Variants in PDK1 observed in about 807,000 individuals in gnomAD.
PDK1 encodes [Pyruvate dehydrogenase (acetyl-transferring)] kinase isozyme 1, mitochondrial.
In PDK1, 39 loss-of-function variants were observed where a neutral mutation model predicts 54.2. That is an observed-to-expected ratio of 0.72 (90% CI 0.56 to 0.94). The LOEUF (loss-of-function observed/expected upper bound fraction) is 0.94, where lower values mean the gene tolerates loss of function less well. PDK1 is among the 40% of genes least tolerant of loss of function. PDK1 has a pLI of 0.00. For synonymous variants in PDK1, 221 were observed against 207.1 expected (o/e 1.07, Z -0.58); for missense variants, 552 against 566.0 (o/e 0.98, Z 0.25).
downstream of PDK1, among the ~76,000 whole-genome samples, chr2:172,611,544 A>G (rs1186393428): frequency 3.3e-5 from 5 of 152,134 alleles, no homozygotes; most frequent in African/African-American, 1.2e-4. Flanking sequence ...CAGGAGGGAA[A>G]CACTTCCCAA....
chr2:172,705,346 G>C, the PDK1 span, among the ~76,000 whole-genome samples: 8,132 of 152,270 alleles, frequency 0.053, 415 homozygotes, highest in East Asian at 0.22. Context: ...GATTCCTATA[G>C]GAATTTCTGA....
At chr2:172,556,426 C>G in intron 1 of PDK1, 80 bp downstream of exon 1, 2 of 1,084,836 alleles carry the variant, frequency 1.8e-6, no homozygotes, top group Non-Finnish European at 2.4e-6. Flanking sequence ...GCCGGGTCGG[C>G]GCCGGCCAGC....
upstream of PDK1, chr2:172,555,900 T>C: frequency 5.8e-6 from 2 of 347,656 alleles, no homozygotes; most frequent in East Asian, 9.0e-5. Flanking sequence ...ATCTCCTTCC[T>C]CGGGAGGCTG....
Position 172,604,867 on chromosome 2 carries a change from A to G in PDK1, c.*8898A>G, listed in dbSNP as rs1691235150. ...ATTATTTTGGAGCTTTATATTGGGT[A>G]TGTTCTTATCCAACTATCATTAGGG... is the stretch of plus-strand genomic sequence containing the variant. On this transcript the variant is annotated 3_prime_UTR_variant, in exon 11 of 11. Coordinates refer to ENST00000282077, the MANE Select transcript of PDK1 (RefSeq NM_002610.5). 6.6e-6 allele frequency: 1 copy of G among 152,174 alleles called. No homozygotes were observed. Among genetic ancestry groups the G allele is most frequent in the African/African-American group, 2.4e-5 (1 of 41,444 alleles). The allele number at this position is 152,174 out of a possible 1,614,324, so 9.4% of individuals were successfully genotyped here.
the PDK1 span, among the ~76,000 whole-genome samples, chr2:172,688,058 T>C: frequency 2.4e-4 from 37 of 152,316 alleles, 1 homozygote; most frequent in African/African-American, 8.4e-4. Flanking sequence ...TGATGGCAAT[T>C]GGGACTACTT....
intron 8 of PDK1, among the ~76,000 whole-genome samples, chr2:172,573,432 G>A (rs1689392743): frequency 6.6e-6 from 1 of 151,746 alleles, no homozygotes; most frequent in Admixed American, 6.6e-5. Flanking sequence ...AAAATTGGCT[G>A]TCTTTTATTG....
the PDK1 span, among the ~76,000 whole-genome samples, chr2:172,703,958 G>A: frequency 6.6e-6 from 1 of 151,364 alleles, no homozygotes; most frequent in African/African-American, 2.4e-5. Flanking sequence ...ATTTTTAGTA[G>A]AGACAGGGTT....
the PDK1 span, among the ~76,000 whole-genome samples, chr2:172,616,042 A>C: frequency 6.6e-6 from 1 of 152,336 alleles, no homozygotes; most frequent in East Asian, 1.9e-4. Context: ...GTAATCAAGG[A>C]AGTACAAATT....
chr2:172,612,475 T>G (rs547139761), downstream of PDK1, among the ~76,000 whole-genome samples: 3 of 148,912 alleles, frequency 2.0e-5, no homozygotes, highest in Admixed American at 6.7e-5. Context: ...AGAAGGTTTG[T>G]TTTTTTTTTA....
At chr2:172,713,560 G>C in the PDK1 span, among the ~76,000 whole-genome samples, 1 of 152,238 alleles carries the variant, frequency 6.6e-6, no homozygotes. Context: ...TGTCAGCACT[G>C]TCCTGAGCAT....
At chr2:172,683,941 T>C in the PDK1 span, among the ~76,000 whole-genome samples, 1 of 152,140 alleles carries the variant, frequency 6.6e-6, no homozygotes, top group Non-Finnish European at 1.5e-5. Flanking sequence ...GAGAAATACA[T>C]ATAAACTAGA....
intron 8 of PDK1, among the ~76,000 whole-genome samples, chr2:172,580,151 C>T (rs1038262820): frequency 1.3e-5 from 2 of 151,288 alleles, no homozygotes; most frequent in Admixed American, 1.3e-4. Context: ...GTTTCTCTCT[C>T]GTTTGTTCAT....
chr2:172,587,167 C>A (rs968464219), intron 9 of PDK1, among the ~76,000 whole-genome samples: 1 of 152,168 alleles, frequency 6.6e-6, no homozygotes. Context: ...GGTTTTTGGT[C>A]TTGCTGACTT....
chr2:172,640,436 A>T, the PDK1 span, among the ~76,000 whole-genome samples: 8 of 152,198 alleles, frequency 5.3e-5, no homozygotes, highest in Admixed American at 5.2e-4. Flanking sequence ...TCATTGGCAG[A>T]TGAGGTCAGC....
At chr2:172,619,609 AAG>A in the PDK1 span, among the ~76,000 whole-genome samples, 2 of 152,192 alleles carry the variant, frequency 1.3e-5, no homozygotes, top group East Asian at 1.9e-4. Context: ...ATAAAAGGCA[AAG>A]AGTAAAAAAT....
chr2:172,720,096 T>TTCTC, the PDK1 span, among the ~76,000 whole-genome samples: 7 of 137,056 alleles, frequency 5.1e-5, no homozygotes, highest in African/African-American at 1.9e-4. Context: ...CAAAGAGCTT[T>TTCTC]TCTCTCTCTC....
At chr2:172,610,755 C>T (rs1417473259), downstream of PDK1, among the ~76,000 whole-genome samples, 2 of 152,078 alleles carry the variant, frequency 1.3e-5, no homozygotes, top group South Asian at 4.2e-4. Flanking sequence ...AGATTACAGG[C>T]GCCTGTCATC....
chr2:172,578,542 A>G (rs1689704817), intron 8 of PDK1, among the ~76,000 whole-genome samples: 1 of 152,048 alleles, frequency 6.6e-6, no homozygotes, highest in South Asian at 2.1e-4. Flanking sequence ...GTGTTTGTTT[A>G]CGGAGTGTGA....
At chr2:172,663,792 A>G in the PDK1 span, among the ~76,000 whole-genome samples, 1 of 152,048 alleles carries the variant, frequency 6.6e-6, no homozygotes, top group Admixed American at 6.6e-5. Flanking sequence ...CTTCCTTTTA[A>G]CCCAATAAAA....
Sources: allele counts gnomAD v4.1 joint callset (sites outside exome capture counted in the v4.1 genomes callset), GRCh38; gene constraint gnomAD v4.1.1; transcripts MANE v1.5; gene names NCBI Gene and HGNC (gene_info 2026-07-23, HGNC 2026-07-21).